PTPRG: variants seen among roughly 807,000 people sequenced by gnomAD.
The protein encoded by PTPRG is receptor-type tyrosine-protein phosphatase gamma.
Under a neutral mutation model 165.3 loss-of-function variants are expected in PTPRG, and 102 were observed. The observed-to-expected ratio is 0.62, with a 90% CI of 0.53 to 0.73. PTPRG has a LOEUF of 0.73. PTPRG is among the 30% of genes least tolerant of loss of function. The pLI is 0.00. For missense variants in PTPRG, 1,866 were observed against 1,861.4 expected, an observed-to-expected ratio of 1.00 and a Z score of -0.05; for synonymous variants, 675 against 669.5, an observed-to-expected ratio of 1.01 and a Z score of -0.13.
chr3:62,125,953 C>T (rs1023063581), intron 5 of PTPRG, among the ~76,000 whole-genome samples: 4 of 152,084 alleles, frequency 2.6e-5, no homozygotes, highest in Admixed American at 6.6e-5. Context: ...AATCACCATG[C>T]GGGCCCCCAC....
In PTPRG at chr3:61,706,256, G is replaced by A. The variant is rs111540268; in HGVS notation, c.86-42622G>A. 3.2e-4 allele frequency among the ~76,000 whole-genome samples: 49 copies of A among 152,082 alleles called. 1 individual carries two copies. The highest frequency in any genetic ancestry group is 6.7e-4 in the African/African-American group (28 of 41,516). On this transcript the variant is annotated intron_variant, in intron 1 of 29. Coordinates refer to ENST00000474889, the MANE Select transcript of PTPRG (RefSeq NM_002841.4). ...AATGTACAGAATACAACTGGGAGCC[G>A]TCCCATTGAGTAAGTGCCCAATGTG...
intron 1 of PTPRG, among the ~76,000 whole-genome samples, chr3:61,673,183 G>A (rs979890366): frequency 6.6e-6 from 1 of 152,042 alleles, no homozygotes; most frequent in Non-Finnish European, 1.5e-5. Context: ...GAAGAAAAAA[G>A]ATAAAACAAA....
In PTPRG at chr3:62,275,949, A is replaced by G. The variant is rs781327739; in HGVS notation, c.3542A>G (p.Asn1181Ser). The G allele has an allele frequency of 3.1e-6, 5 of 1,609,114 alleles. No homozygotes were observed. The South Asian group carries it at 4.4e-5, about 14-fold the overall frequency. Residue 1181 changes from asparagine (N) to serine (S), a missense_variant, in exon 24 of 30, where the codon AAC becomes AGC. Physicochemically the swap from Asn to Ser is conservative, Grantham distance 46 (BLOSUM62 1). Coordinates refer to ENST00000474889, the MANE Select transcript of PTPRG (RefSeq NM_002841.4). ...GAGTGTAACAAAGAAAAGAACAGAAACTCTTCAGTTGTGCCATGTAAGACT... is the reference window on the plus strand; with the variant it reads ...GAGTGTAACAAAGAAAAGAACAGAAGCTCTTCAGTTGTGCCATGTAAGACT... Reference protein sequence around the residue: ...QKECNKEKNRNSSVVPSERAR... With the variant: ...QKECNKEKNRSSSVVPSERAR...
chr3:62,292,664 A>C (rs1702941634), intron 29 of PTPRG, 108 bp downstream of exon 29: 1 of 1,334,406 alleles, frequency 7.5e-7, no homozygotes, highest in Non-Finnish European at 1.0e-6. Flanking sequence ...CCCAGGGGAC[A>C]TTTGGCCATG....
At chr3:61,904,977 G>C (rs1424342006) in intron 2 of PTPRG, among the ~76,000 whole-genome samples, 1 of 151,550 alleles carries the variant, frequency 6.6e-6, no homozygotes, top group Admixed American at 6.6e-5. Context: ...GGTTCCTGCT[G>C]TCTGTCTTTT....
chr3:61,724,214 C>T (rs1190803927), intron 1 of PTPRG, among the ~76,000 whole-genome samples: 1 of 9,028 alleles, frequency 1.1e-4, no homozygotes, highest in East Asian at 0.01. Flanking sequence ...AGACTCCCAT[C>T]TCCAAAAAAA....
intron 1 of PTPRG, among the ~76,000 whole-genome samples, chr3:61,732,633 C>T (rs1311214301): frequency 4.0e-5 from 6 of 150,940 alleles, no homozygotes; most frequent in Non-Finnish European, 7.4e-5. Context: ...GGCATGAACC[C>T]GAGAGGCGGA....
At chr3:61,937,846 A>T (rs763941152) in intron 2 of PTPRG, among the ~76,000 whole-genome samples, 1 of 152,046 alleles carries the variant, frequency 6.6e-6, no homozygotes, top group African/African-American at 2.4e-5. Flanking sequence ...ATTAAGCACA[A>T]TTTTTCACCC....
intron 1 of PTPRG, among the ~76,000 whole-genome samples, chr3:61,594,927 A>C: frequency 6.6e-6 from 1 of 152,142 alleles, no homozygotes; most frequent in East Asian, 1.9e-4. Context: ...ATTGACAGGG[A>C]ATTGTTACAA....
At chr3:61,672,205 G>A (rs1011402423) in intron 1 of PTPRG, among the ~76,000 whole-genome samples, 12 of 134,352 alleles carry the variant, frequency 8.9e-5, no homozygotes, top group Admixed American at 4.4e-4. Context: ...ATGGGATGGC[G>A]GCCGGGCAGA....
At chr3:61,604,533 A>T (rs1700949109) in intron 1 of PTPRG, among the ~76,000 whole-genome samples, 1 of 152,178 alleles carries the variant, frequency 6.6e-6, no homozygotes. Flanking sequence ...ATCAGGTATT[A>T]TTCTTTGTCA....
chr3:62,126,878 C>T (rs1384465118), intron 5 of PTPRG, among the ~76,000 whole-genome samples: 1 of 152,214 alleles, frequency 6.6e-6, no homozygotes, highest in African/African-American at 2.4e-5. Context: ...CATGTGCCAA[C>T]ATCTCTGATT....
intron 2 of PTPRG, among the ~76,000 whole-genome samples, chr3:61,808,044 ACT>A (rs1187780592): frequency 6.6e-6 from 1 of 152,082 alleles, no homozygotes; most frequent in Admixed American, 6.6e-5. Context: ...GCTCTCCCTG[ACT>A]CTGTGTAATC....
At chr3:61,682,831 G>A (rs578020596) in intron 1 of PTPRG, among the ~76,000 whole-genome samples, 4 of 152,286 alleles carry the variant, frequency 2.6e-5, no homozygotes, top group South Asian at 2.1e-4. Flanking sequence ...CAGCAGTGGC[G>A]GATTAATTCC....
rs144772049 is a variant in PTPRG at position 61,850,245 on chromosome 3, C to T, written c.190+101263C>T. On this transcript the variant is annotated intron_variant, in intron 2 of 29. Coordinates refer to ENST00000474889, the MANE Select transcript of PTPRG (RefSeq NM_002841.4). ...TGGTGCAATCTTGGCTCACTGCAACCCCCGCCTCCTGGGTTCAAGCGATTC... is the reference window on the plus strand; with the variant it reads ...TGGTGCAATCTTGGCTCACTGCAACTCCCGCCTCCTGGGTTCAAGCGATTC... Among the ~76,000 whole-genome samples, 78 of 152,252 alleles carry T rather than the reference C, an allele frequency of 5.1e-4. No homozygotes were observed. The Middle Eastern group carries it at 0.01, about 20-fold the overall frequency.
intron 2 of PTPRG, among the ~76,000 whole-genome samples, chr3:61,874,042 A>G (rs1254802369): frequency 6.6e-6 from 1 of 152,138 alleles, no homozygotes. Context: ...GGAAGAAGGA[A>G]CTGTAAAATG....
At chr3:62,132,581 T>G (rs1343323588) in intron 5 of PTPRG, 21 bp from the exon 6 acceptor site, 1 of 1,570,194 alleles carries the variant, frequency 6.4e-7, no homozygotes, top group Non-Finnish European at 8.8e-7. Context: ...ATTTAACCAA[T>G]CATGTTTCCT....
intron 6 of PTPRG, among the ~76,000 whole-genome samples, chr3:62,140,576 A>G (rs901232773): frequency 3.3e-5 from 5 of 152,026 alleles, no homozygotes; most frequent in South Asian, 2.1e-4. Flanking sequence ...GCCGGGTGCA[A>G]TGGTTCATGC....
chr3:61,787,954 C>A (rs192001949), intron 2 of PTPRG, among the ~76,000 whole-genome samples: 77 of 152,100 alleles, frequency 5.1e-4, no homozygotes, highest in African/African-American at 1.7e-3. Flanking sequence ...GAAGATGGCT[C>A]CCGCTATCTC....
Sources: allele counts gnomAD v4.1 joint callset (sites outside exome capture counted in the v4.1 genomes callset), GRCh38; gene constraint gnomAD v4.1.1; transcripts MANE v1.5; gene names NCBI Gene and HGNC (gene_info 2026-07-23, HGNC 2026-07-21).